Variants in DPH6 observed in about 807,000 individuals in gnomAD.
DPH6 encodes the protein diphthamine biosynthesis 6.
DPH6 carries 33 observed loss-of-function variants against 38.2 expected under a neutral mutation model. The observed-to-expected ratio is 0.86, with a 90% CI of 0.65 to 1.15. The LOEUF is 1.15. DPH6 is among the 50% of genes most tolerant of loss of function. The pLI is 0.00. For missense variants in DPH6, 325 were observed against 320.0 expected (o/e 1.02, Z -0.12); for synonymous variants, 108 against 103.0 (o/e 1.05, Z -0.30).
At chr15:35,495,986 A>G (rs2141183139) in intron 3 of DPH6, among the ~76,000 whole-genome samples, 2 of 152,318 alleles carry the variant, frequency 1.3e-5, no homozygotes, top group South Asian at 4.1e-4. Context: ...AGACAAATGG[A>G]TATCCCTATG....
chr15:35,392,915 C>T (rs1445375577), intron 6 of DPH6, among the ~76,000 whole-genome samples: 1 of 152,102 alleles, frequency 6.6e-6, no homozygotes, highest in Non-Finnish European at 1.5e-5. Context: ...ATGATAGGTA[C>T]TAGAAATTCA....
At chr15:35,400,714 A>T in intron 6 of DPH6, 1 of 700,296 alleles carries the variant, frequency 1.4e-6, no homozygotes, top group Non-Finnish European at 2.6e-6. Context: ...AGTCTCCAAA[A>T]GGGCCTGAAC....
At chr15:35,353,445 T>C (rs1310408829) in intron 3 of DPH6, among the ~76,000 whole-genome samples, 1 of 152,222 alleles carries the variant, frequency 6.6e-6, no homozygotes, top group African/African-American at 2.4e-5. Context: ...CCATCTTGAA[T>C]TAATTTTTGT....
At chr15:35,290,033 T>C (rs1438242548) in intron 3 of DPH6, among the ~76,000 whole-genome samples, 1 of 152,170 alleles carries the variant, frequency 6.6e-6, no homozygotes, top group Non-Finnish European at 1.5e-5. Context: ...TAAACCACAC[T>C]AAAGTTGAAA....
At chr15:35,166,779 T>C in the DPH6 span, among the ~76,000 whole-genome samples, 4 of 151,962 alleles carry the variant, frequency 2.6e-5, no homozygotes, top group African/African-American at 4.8e-5. Flanking sequence ...TGCAGAATTC[T>C]TTCCAAAGGA....
At chr15:35,388,590 A>G (rs1364525816) in intron 6 of DPH6, among the ~76,000 whole-genome samples, 2 of 152,178 alleles carry the variant, frequency 1.3e-5, no homozygotes, top group African/African-American at 4.8e-5. Context: ...GTGTCCAGGA[A>G]TTTATCCATT....
intron 1 of DPH6, among the ~76,000 whole-genome samples, chr15:35,545,503 G>A (rs567096084): frequency 6.6e-6 from 1 of 152,338 alleles, no homozygotes; most frequent in East Asian, 1.9e-4. Flanking sequence ...CTACCACGAA[G>A]AGAGATCTCT....
At chr15:35,450,916 G>T in intron 4 of DPH6, 113 bp from the exon 5 acceptor site, 6 of 816,420 alleles carry the variant, frequency 7.3e-6, no homozygotes, top group Non-Finnish European at 1.1e-5. Flanking sequence ...TTTTAGCATT[G>T]AAAATGCTTT....
chr15:35,396,861 T>G (rs2053140850), intron 6 of DPH6, among the ~76,000 whole-genome samples: 1 of 152,154 alleles, frequency 6.6e-6, no homozygotes, highest in Non-Finnish European at 1.5e-5. Flanking sequence ...GGAACAAGTC[T>G]TAAAATTCTG....
the DPH6 span, among the ~76,000 whole-genome samples, chr15:35,195,993 T>A: frequency 1.3e-5 from 2 of 152,102 alleles, no homozygotes; most frequent in Non-Finnish European, 2.9e-5. Context: ...ACAGATAGGG[T>A]ACTGTAGTAG....
chr15:35,350,939 A>C lies in DPH6; in HGVS notation n.208-19862T>G, dbSNP rs544369998. Among the ~76,000 whole-genome samples the C allele has an allele frequency of 1.4e-4, 21 of 152,258 alleles. No individual in the cohort carries two copies. In the East Asian group the frequency reaches 4.0e-3, roughly 29 times the overall value. On this transcript the variant is annotated intron_variant and non_coding_transcript_variant, in intron 3 of 3. Coordinates refer to the DPH6 transcript ENST00000558973. ...GAATGCTCTGCATTTATCTATAAAG[A>C]CCAATTTGTCTAGAGTGTTGTTCAA...
At chr15:35,543,243 G>A (rs1006322957) in intron 1 of DPH6, among the ~76,000 whole-genome samples, 3 of 122,376 alleles carry the variant, frequency 2.5e-5, no homozygotes, top group Non-Finnish European at 5.0e-5. Flanking sequence ...CATACATATA[G>A]TACACACATA....
intron 3 of DPH6, among the ~76,000 whole-genome samples, chr15:35,226,587 T>C (rs1472497623): frequency 2.0e-5 from 3 of 152,154 alleles, no homozygotes; most frequent in African/African-American, 7.2e-5. Context: ...ACATTTACAA[T>C]AGCTACAAAT....
intron 5 of DPH6, among the ~76,000 whole-genome samples, chr15:35,420,502 GTTTTA>G (rs1206620791): frequency 1.3e-5 from 2 of 152,068 alleles, no homozygotes; most frequent in Middle Eastern, 3.4e-3. Flanking sequence ...ATAAAACAGA[GTTTTA>G]TTTTATTTTA....
At chr15:35,545,594 T>C (rs938287632) in intron 1 of DPH6, among the ~76,000 whole-genome samples, 1 of 152,126 alleles carries the variant, frequency 6.6e-6, no homozygotes, top group African/African-American at 2.4e-5. Flanking sequence ...GGTGGACTTC[T>C]TGGGATGGGC....
intron 3 of DPH6, among the ~76,000 whole-genome samples, chr15:35,481,370 A>G (rs1418146066): frequency 6.6e-6 from 1 of 152,126 alleles, no homozygotes; most frequent in Non-Finnish European, 1.5e-5. Context: ...AGAAGAAGGA[A>G]AGAGGAAGAG....
chr15:35,336,429 G>A (rs906848552), intron 3 of DPH6, among the ~76,000 whole-genome samples: 11 of 151,654 alleles, frequency 7.3e-5, no homozygotes, highest in South Asian at 6.3e-4. Context: ...TTGATCTTCC[G>A]TCACTGATAC....
intron 5 of DPH6, among the ~76,000 whole-genome samples, chr15:35,428,089 A>G (rs1443571457): frequency 1.3e-5 from 2 of 152,076 alleles, no homozygotes; most frequent in Middle Eastern, 3.2e-3. Flanking sequence ...TAGAATCGGA[A>G]AGCCACACGA....
At chr15:35,489,044 C>A (rs1439704918) in intron 3 of DPH6, among the ~76,000 whole-genome samples, 1 of 152,080 alleles carries the variant, frequency 6.6e-6, no homozygotes, top group Non-Finnish European at 1.5e-5. Flanking sequence ...CTATGTGGCA[C>A]CCACAGACTT....
Sources: gnomAD v4.1 joint callset for allele counts (sites outside exome capture counted in the v4.1 genomes callset) on GRCh38, gnomAD v4.1.1 for gene constraint, MANE v1.5 for transcripts, NCBI Gene and HGNC (gene_info 2026-07-23, HGNC 2026-07-21) for gene names.